KHDRBS1: variants seen among roughly 807,000 people sequenced by gnomAD.
The protein encoded by KHDRBS1 is KH RNA binding domain containing, signal transduction associated 1, also known as KH domain-containing, RNA-binding, signal transduction-associated protein 1.
A neutral mutation model predicts 48.4 loss-of-function variants in KHDRBS1; 7 were observed. That is an observed-to-expected ratio of 0.14 (90% CI 0.08 to 0.27). KHDRBS1 has a LOEUF of 0.27. KHDRBS1 is among the 10% of genes least tolerant of loss of function. The pLI, the probability that KHDRBS1 is intolerant of heterozygous loss-of-function variation, is 1.00. For missense variants in KHDRBS1, 458 were observed against 601.2 expected (o/e 0.76, Z 2.49); for synonymous variants, 241 against 235.8 (o/e 1.02, Z -0.20).
At chr1:32,042,502 TA>T in intron 8 of KHDRBS1, 24 bp from the exon 9 acceptor site, 1 of 1,549,758 alleles carries the variant, frequency 6.5e-7, no homozygotes, top group Non-Finnish European at 8.9e-7. Flanking sequence ...ACATGGTTTA[TA>T]AACTGTCTTT....
At chr1:32,054,123 A>G (rs924388818) in intron 10 of KHDRBS1, among the ~76,000 whole-genome samples, 1 of 152,178 alleles carries the variant, frequency 6.6e-6, no homozygotes, top group South Asian at 2.1e-4. Flanking sequence ...AATATTAGCT[A>G]TAAATAGAGA....
chr1:32,025,229 C>T (rs565140142), intron 1 of KHDRBS1, among the ~76,000 whole-genome samples: 179 of 143,794 alleles, frequency 1.2e-3, no homozygotes, highest in African/African-American at 4.4e-3. Context: ...TTGTGCCACT[C>T]ATTCCAGCCT....
intron 1 of KHDRBS1, among the ~76,000 whole-genome samples, chr1:32,027,077 G>A (rs941940538): frequency 2.0e-5 from 3 of 152,222 alleles, no homozygotes; most frequent in Non-Finnish European, 4.4e-5. Flanking sequence ...TTACAGGCGT[G>A]AGCCAACGCG....
downstream of KHDRBS1, among the ~76,000 whole-genome samples, chr1:32,048,631 T>A (rs1639382675): frequency 1.3e-5 from 2 of 152,202 alleles, no homozygotes; most frequent in Admixed American, 1.3e-4. Context: ...AAGTGATTCT[T>A]TTTGGACAGA....
intron 1 of KHDRBS1, 65 bp downstream of exon 1, chr1:32,014,442 T>C: frequency 7.9e-7 from 1 of 1,262,816 alleles, no homozygotes; most frequent in Non-Finnish European, 1.0e-6. Context: ...GCCCTGGCTT[T>C]GTTCCTCTCG....
chr1:32,026,301 G>A (rs1480823372), intron 1 of KHDRBS1, among the ~76,000 whole-genome samples: 2 of 151,970 alleles, frequency 1.3e-5, no homozygotes, highest in Non-Finnish European at 2.9e-5. Flanking sequence ...TGGGACCACA[G>A]GCGCATACCA....
In KHDRBS1 at chr1:32,014,389, TCC is replaced by T; in HGVS notation, c.382+14_382+15del. On this transcript the variant is annotated intron_variant, in intron 1 of 8. Coordinates refer to ENST00000327300, the MANE Select transcript of KHDRBS1 (RefSeq NM_006559.3). ...GCTGCTGACGGCAGGTAAGGGGGCC[TCC>T]CGTGTCCCTCTGGGTCGCCCGGCCA... The T allele has an allele frequency of 7.3e-7, 1 of 1,364,514 alleles. No homozygotes were observed. The highest frequency in any genetic ancestry group is 9.6e-7 in the Non-Finnish European group (1 of 1,040,516). The allele number at this position is 1,364,514 out of a possible 1,614,324, so 84.5% of individuals were successfully genotyped here. A position where few individuals can be genotyped will look rare whatever the true frequency, so the allele number is the denominator to read the frequency against.
intron 8 of KHDRBS1, among the ~76,000 whole-genome samples, chr1:32,042,107 G>A (rs1639292280): frequency 6.6e-6 from 1 of 152,186 alleles, no homozygotes; most frequent in Admixed American, 6.5e-5. Context: ...ACTTCCAGAA[G>A]TCTTCCCACC....
At chr1:32,040,907 A>G (rs991983376) in intron 8 of KHDRBS1, among the ~76,000 whole-genome samples, 3 of 152,204 alleles carry the variant, frequency 2.0e-5, no homozygotes, top group Non-Finnish European at 4.4e-5. Flanking sequence ...TGCTTGCCCA[A>G]GGAAACTGTT....
Position 32,018,412 on chromosome 1 carries a change from G to A in KHDRBS1, c.382+4035G>A, listed in dbSNP as rs1018379451. Among the ~76,000 whole-genome samples, 9 of 151,966 alleles carry A rather than the reference G, an allele frequency of 5.9e-5. No homozygotes were observed. In the South Asian group the frequency reaches 6.2e-4, roughly 11 times the overall value. On this transcript the variant is annotated intron_variant, in intron 1 of 8. Transcript: ENST00000327300. Reference sequence around the variant, plus strand: ...GGAGACGGAGGTTGCAGTGAGCCAAGATCGCACCACTGCACTCCAGCCTGG... The same window carrying A: ...GGAGACGGAGGTTGCAGTGAGCCAAAATCGCACCACTGCACTCCAGCCTGG...
chr1:32,051,697 T>TC (rs1639424035), intron 10 of KHDRBS1, among the ~76,000 whole-genome samples: 6 of 152,168 alleles, frequency 3.9e-5, no homozygotes, highest in African/African-American at 1.2e-4. Flanking sequence ...CAGTGACAGT[T>TC]ACTATTGAGG....
chr1:32,033,127 A>T, intron 3 of KHDRBS1, 61 bp from the exon 4 acceptor site: 1 of 1,351,382 alleles, frequency 7.4e-7, no homozygotes, highest in East Asian at 2.3e-5. Flanking sequence ...TTTGGCTTAG[A>T]GGTAAAGGTG....
chr1:32,059,302 C>T (rs1639517621), intron 10 of KHDRBS1, among the ~76,000 whole-genome samples: 1 of 151,774 alleles, frequency 6.6e-6, no homozygotes, highest in African/African-American at 2.4e-5. Context: ...CATGGTGGCT[C>T]ACACCTATAA....
At chr1:32,058,944 G>A (rs1482222096) in intron 10 of KHDRBS1, among the ~76,000 whole-genome samples, 1 of 152,018 alleles carries the variant, frequency 6.6e-6, no homozygotes, top group Non-Finnish European at 1.5e-5. Flanking sequence ...ATCACCTGAG[G>A]TCAGGAGTTT....
intron 1 of KHDRBS1, among the ~76,000 whole-genome samples, chr1:32,026,895 A>G (rs1638982764): frequency 6.6e-6 from 1 of 152,096 alleles, no homozygotes; most frequent in South Asian, 2.1e-4. Context: ...CCCGGGTTCC[A>G]GCGATTCTCC....
At position 32,030,286 on chromosome 1, in the gene KHDRBS1, T is replaced by C. The variant is rs1482415909; in HGVS notation, c.383-12T>C. ...TTTACCAGGGCAAAAATAAATTGTT[T>C]TTCCTATTCAGAAATTGAGAAGATT... On this transcript the variant is annotated splice_polypyrimidine_tract_variant and intron_variant, in intron 1 of 8. Transcript: ENST00000327300. The C allele has an allele frequency of 1.2e-6, 2 of 1,600,034 alleles. No individual in the cohort carries two copies. The highest frequency in any genetic ancestry group is 2.2e-5 in the East Asian group (1 of 44,510).
rs193155707 is a variant in KHDRBS1, at chr1:32,017,051, A to G, written c.382+2674A>G. ...GGCAGACGGATCACTTGAGGTCAGG[A>G]GTTCAAGACCAGCCTGGCCAACATG... On this transcript the variant is annotated intron_variant, in intron 1 of 8. Transcript: ENST00000327300. Among the ~76,000 whole-genome samples the G allele has an allele frequency of 2.7e-3, 418 of 152,320 alleles. 1 individual carries two copies. The highest frequency in any genetic ancestry group is 0.017 in the Middle Eastern group (5 of 294).
At chr1:32,015,677 C>G (rs959284217) in intron 1 of KHDRBS1, among the ~76,000 whole-genome samples, 1 of 152,020 alleles carries the variant, frequency 6.6e-6, no homozygotes, top group South Asian at 2.1e-4. Context: ...TTTTTTTAAA[C>G]CCAACTGAAA....
At chr1:32,029,499 G>A (rs111487896) in intron 1 of KHDRBS1, among the ~76,000 whole-genome samples, 5,708 of 152,048 alleles carry the variant, frequency 0.038, 345 homozygotes, top group African/African-American at 0.13. Flanking sequence ...CTCTACTAAA[G>A]ATACAAAATT....
Sources: gnomAD v4.1 joint callset for allele counts (sites outside exome capture counted in the v4.1 genomes callset) on GRCh38, gnomAD v4.1.1 for gene constraint, MANE v1.5 for transcripts, NCBI Gene and HGNC (gene_info 2026-07-23, HGNC 2026-07-21) for gene names.